TEAD2: variants seen among roughly 807,000 people sequenced by gnomAD.
The protein encoded by TEAD2 is transcriptional enhancer factor TEF-4.
TEAD2 carries 51 observed loss-of-function variants against 61.4 expected under a neutral mutation model. The observed-to-expected ratio is 0.83, with a 90% CI of 0.66 to 1.05. TEAD2 has a LOEUF of 1.05. Ranked by LOEUF, TEAD2 falls within the 50% of genes least tolerant of loss-of-function variation. The pLI is 0.00. For synonymous variants in TEAD2, 244 were observed against 243.2 expected, an observed-to-expected ratio of 1.00 and a Z score of -0.03; for missense variants, 509 against 600.0, an observed-to-expected ratio of 0.85 and a Z score of 1.58.
intron 3 of TEAD2, chr19:49,357,551 C>T (rs955866131): frequency 1.5e-5 from 9 of 583,488 alleles, no homozygotes; most frequent in Non-Finnish European, 2.5e-5. Flanking sequence ...CCACCATGCT[C>T]TCTCTGTGGC....
chr19:49,349,399 G>A (rs1326882378), intron 8 of TEAD2, among the ~76,000 whole-genome samples: 1 of 151,702 alleles, frequency 6.6e-6, no homozygotes, highest in Non-Finnish European at 1.5e-5. Flanking sequence ...GGAGGCGGGG[G>A]TTGCAGTGAG....
chr19:49,347,485 AC>A, intron 9 of TEAD2, 122 bp from the exon 10 acceptor site: 1 of 1,164,162 alleles, frequency 8.6e-7, no homozygotes, highest in Non-Finnish European at 1.2e-6. Flanking sequence ...CACACAGTCC[AC>A]CCAGCACTGG....
intron 1 of TEAD2, chr19:49,361,757 G>A (rs781641136): frequency 6.5e-6 from 1 of 152,828 alleles, no homozygotes; most frequent in Non-Finnish European, 1.5e-5. Context: ...GGACCCCAGA[G>A]TCCAGGCCCC....
At chr19:49,347,908 C>G (rs1394855935) in intron 9 of TEAD2, among the ~76,000 whole-genome samples, 3 of 152,186 alleles carry the variant, frequency 2.0e-5, no homozygotes, top group Non-Finnish European at 4.4e-5. Flanking sequence ...GTTCACAAAT[C>G]CTGGTTCCTT....
intron 10 of TEAD2, among the ~76,000 whole-genome samples, chr19:49,345,287 T>G (rs1171808352): frequency 2.6e-5 from 4 of 151,848 alleles, no homozygotes; most frequent in Non-Finnish European, 4.4e-5. Flanking sequence ...AGGCCTTTCC[T>G]TCCTTTCCTT....
chr19:49,346,253 C>T (rs964843575), intron 10 of TEAD2, among the ~76,000 whole-genome samples: 2 of 151,690 alleles, frequency 1.3e-5, no homozygotes, highest in Non-Finnish European at 2.9e-5. Context: ...GACACCAAAC[C>T]AAGTAGCCCT....
chr19:49,347,388 G>A, intron 9 of TEAD2, 25 bp from the exon 10 acceptor site: 3 of 1,596,900 alleles, frequency 1.9e-6, no homozygotes, highest in East Asian at 2.2e-5. Flanking sequence ...CCGTGGGTGA[G>A]AAGTCGGAGG....
rs1181604758 is a variant in TEAD2 at position 49,359,744 on chromosome 19, A to C, written c.232+100T>G. On this transcript the variant is annotated intron_variant, in intron 2 of 12. Transcript: ENST00000593945. This position sits in a 1 kb window ranked among gnomAD's most constrained non-coding sequence, Gnocchi z 4.1. ...TGTGCCTCAGTTTCCTCATCTGTGCAAATGGTGATGCTAGCTCCTACTTCA... is the reference window on the plus strand; with the variant it reads ...TGTGCCTCAGTTTCCTCATCTGTGCCAATGGTGATGCTAGCTCCTACTTCA... 7.8e-7 allele frequency: 1 copy of C among 1,284,818 alleles called. No individual in the cohort carries two copies. The highest frequency in any genetic ancestry group is 1.5e-5 in the African/African-American group (1 of 68,656). The allele number at this position is 1,284,818 out of a possible 1,614,324, so 79.6% of individuals were successfully genotyped here.
At chr19:49,356,230 C>T in intron 4 of TEAD2, 1 of 368,182 alleles carries the variant, frequency 2.7e-6, no homozygotes, top group Non-Finnish European at 4.8e-6. Flanking sequence ...GTCCAGGAGA[C>T]AGGAAATGAG....
Position 49,341,919 on chromosome 19 carries a change from G to C in TEAD2, c.1243-482C>G, listed in dbSNP as rs913761942. Among the ~76,000 whole-genome samples, 1 of 152,096 alleles carries C rather than the reference G, an allele frequency of 6.6e-6. No homozygotes were observed. The highest frequency in any genetic ancestry group is 1.5e-5 in the Non-Finnish European group (1 of 68,028). On this transcript the variant is annotated intron_variant, in intron 12 of 12. Transcript: ENST00000593945. The surrounding 1 kb of genome is among the most constrained non-coding windows in gnomAD (Gnocchi z 4.2). ...ATGTGCGAGTGCTGTGGGGCTGGGCGTGGTGGCTCACACCTGTAATCCCAG... is the reference window on the plus strand; with the variant it reads ...ATGTGCGAGTGCTGTGGGGCTGGGCCTGGTGGCTCACACCTGTAATCCCAG...
At chr19:49,351,083 G>T (rs2146446327) in intron 8 of TEAD2, among the ~76,000 whole-genome samples, 1 of 152,278 alleles carries the variant, frequency 6.6e-6, no homozygotes, top group African/African-American at 2.4e-5. Context: ...GGAGGCTGAG[G>T]CAGGAGAATC....
At chr19:49,358,100 G>T (rs1430080078) in intron 3 of TEAD2, among the ~76,000 whole-genome samples, 2 of 152,194 alleles carry the variant, frequency 1.3e-5, no homozygotes, top group African/African-American at 4.8e-5. Flanking sequence ...CAGGTGTGGT[G>T]GTGCGCGCCT....
rs1169681264 is a variant in TEAD2, at chr19:49,342,000, T to C, written c.1242+438A>G. Among the ~76,000 whole-genome samples the C allele has an allele frequency of 2.0e-5, 3 of 152,038 alleles. No individual in the cohort carries two copies. Among genetic ancestry groups the C allele is most frequent in the Non-Finnish European group, 4.4e-5 (3 of 68,012 alleles). On this transcript the variant is annotated intron_variant, in intron 12 of 12. Transcript: ENST00000593945. This position sits in a 1 kb window ranked among gnomAD's most constrained non-coding sequence, Gnocchi z 4.2. ...TTGAGGTCGGAGATCAAGACCAACC[T>C]GGCCAACATGGTGAAACCCCATCTC...
chr19:49,355,379 G>T lies in TEAD2; in HGVS notation c.413C>A (p.Thr138Asn), dbSNP rs758222102. The T allele has an allele frequency of 3.7e-6, 6 of 1,614,218 alleles. No homozygotes were observed. The South Asian group carries it at 6.6e-5, about 18-fold the overall frequency. The change falls in exon 6 of 13, where the codon ACC becomes AAC. Residue 138 changes from threonine to asparagine, a missense_variant. Transcript: ENST00000593945. The part of the protein sequence containing the change: ...SKDKAFQTMA[T>N]MSSAQLISAP... The stretch of plus-strand genomic sequence containing the variant: ...GGAGATGAGCTGGGCAGAGGACATG[G>T]TTGCCATTGTCTGGAAAGCCTTGTC...
rs1222273575 is a variant in TEAD2 at position 49,342,496 on chromosome 19, C to T, written c.1184G>A (p.Arg395Gln). 5.0e-6 allele frequency: 8 copies of T among 1,614,022 alleles called. No individual in the cohort carries two copies. Among genetic ancestry groups the T allele is most frequent in the Middle Eastern group, 1.6e-4 (1 of 6,084 alleles). The change falls in exon 12 of 13, where the codon CGG becomes CAG. Residue 395 changes from arginine to glutamine, a missense_variant. Coordinates refer to ENST00000593945, the MANE Select transcript of TEAD2 (RefSeq NM_001256660.2). ...EYLVNFLHKL[R>Q]QLPERYMMNS... ...CATCATGTATCGCTCAGGCAGCTGC[C>T]GCAACTTGTGCAAGAAATTCACCAG...
chr19:49,347,045 G>A (rs1449846540), intron 10 of TEAD2, 145 bp downstream of exon 10: 1 of 1,146,056 alleles, frequency 8.7e-7, no homozygotes, highest in African/African-American at 1.5e-5. Flanking sequence ...GTTGCAAAGG[G>A]GGCTGACACT....
chr19:49,356,485 C>T (rs1031536616), intron 4 of TEAD2, among the ~76,000 whole-genome samples: 1 of 151,528 alleles, frequency 6.6e-6, no homozygotes, highest in African/African-American at 2.4e-5. Flanking sequence ...GGGTCTCCGG[C>T]CAACAGGAAC....
chr19:49,351,279 A>AGG, intron 8 of TEAD2, 22 bp downstream of exon 8: 1 of 1,607,264 alleles, frequency 6.2e-7, no homozygotes, highest in Non-Finnish European at 8.5e-7. Context: ...GAGACAAGGG[A>AGG]GGGTGGAGCG....
At chr19:49,347,424 C>T (rs1971725774) in intron 9 of TEAD2, 61 bp from the exon 10 acceptor site, 8 of 1,567,564 alleles carry the variant, frequency 5.1e-6, no homozygotes, top group Non-Finnish European at 6.9e-6. Context: ...GCCTGTGCTG[C>T]CTGAGCCCAC....
Sources: gnomAD v4.1 joint callset for allele counts (sites outside exome capture counted in the v4.1 genomes callset) on GRCh38, gnomAD v4.1.1 for gene constraint, Gnocchi (gnomAD v3.1) non-coding constraint, MANE v1.5 for transcripts, NCBI Gene and HGNC (gene_info 2026-07-23, HGNC 2026-07-21) for gene names.